The following MUSK variants were observed in gnomAD, a reference collection of about 807,000 sequenced individuals.
MUSK encodes the protein muscle associated receptor tyrosine kinase.
Under a neutral mutation model 88.7 loss-of-function variants are expected in MUSK, and 55 were observed. The observed-to-expected ratio is 0.62, with a 90% CI of 0.50 to 0.78. The LOEUF is 0.78. Ranked by LOEUF, MUSK falls within the 30% of genes least tolerant of loss-of-function variation. The pLI, the probability that MUSK is intolerant of heterozygous loss-of-function variation, is 0.00. For synonymous variants in MUSK, 387 were observed against 391.9 expected (o/e 0.99, Z 0.15); for missense variants, 1,015 against 1,074.3 (o/e 0.94, Z 0.77).
chr9:110,747,451 A>G (rs75883504), intron 6 of MUSK, among the ~76,000 whole-genome samples, 190 bp from the exon 7 acceptor site: 1 of 152,210 alleles, frequency 6.6e-6, no homozygotes, highest in Admixed American at 6.5e-5. Context: ...GGAAAATGCT[A>G]CTTCTTGAGG....
chr9:110,764,807 A>G (rs1438978780), intron 8 of MUSK, among the ~76,000 whole-genome samples: 1 of 152,182 alleles, frequency 6.6e-6, no homozygotes, highest in African/African-American at 2.4e-5. Flanking sequence ...CCCAGCACAT[A>G]AAGGGTTTGT....
chr9:110,748,895 C>T (rs1009529713), intron 7 of MUSK, among the ~76,000 whole-genome samples: 1 of 152,128 alleles, frequency 6.6e-6, no homozygotes, highest in Non-Finnish European at 1.5e-5. Context: ...TCTCCTTTCT[C>T]CCCCCAGTGA....
At chr9:110,693,706 A>T (rs928404030) in intron 3 of MUSK, among the ~76,000 whole-genome samples, 4 of 152,320 alleles carry the variant, frequency 2.6e-5, no homozygotes, top group East Asian at 3.9e-4. Flanking sequence ...TGACCAAGAC[A>T]TCAAGTCACT....
At chr9:110,706,155 A>T (rs1039254348) in intron 5 of MUSK, 2 of 517,322 alleles carry the variant, frequency 3.9e-6, no homozygotes, top group Non-Finnish European at 7.9e-6. Context: ...AAATATGAGA[A>T]TGAATATACA....
At chr9:110,677,212 G>A (rs567651616) in intron 1 of MUSK, among the ~76,000 whole-genome samples, 16 of 152,214 alleles carry the variant, frequency 1.1e-4, no homozygotes, top group African/African-American at 3.4e-4. Context: ...CCAGCACCAT[G>A]CAGCCCCTTT....
intron 11 of MUSK, among the ~76,000 whole-genome samples, chr9:110,781,381 A>G (rs1309202027): frequency 6.6e-6 from 1 of 152,144 alleles, no homozygotes; most frequent in Non-Finnish European, 1.5e-5. Context: ...GGTTCACGCC[A>G]TCCTCTTGCC....
At chr9:110,761,657 T>C (rs528480642) in intron 7 of MUSK, among the ~76,000 whole-genome samples, 3 of 135,324 alleles carry the variant, frequency 2.2e-5, no homozygotes, top group African/African-American at 8.2e-5. Context: ...CACTGCAGGC[T>C]CCGCCCCCCG....
At chr9:110,705,021 G>C (rs1375752659) in intron 5 of MUSK, among the ~76,000 whole-genome samples, 1 of 151,440 alleles carries the variant, frequency 6.6e-6, no homozygotes, top group African/African-American at 2.4e-5. Flanking sequence ...ATTATATGGG[G>C]GGTAACTTCT....
chr9:110,757,152 A>T (rs2077336004), intron 7 of MUSK, among the ~76,000 whole-genome samples: 2 of 152,134 alleles, frequency 1.3e-5, no homozygotes, highest in Admixed American at 6.6e-5. Flanking sequence ...CTAATGTTGA[A>T]AATTCAGAAT....
chr9:110,709,040 T>G (rs543686669), intron 5 of MUSK, among the ~76,000 whole-genome samples: 1 of 152,282 alleles, frequency 6.6e-6, no homozygotes, highest in South Asian at 2.1e-4. Context: ...ATGCATTAGT[T>G]CATCCAACAA....
At chr9:110,787,220 G>A (rs933579596) in intron 13 of MUSK, among the ~76,000 whole-genome samples, 2 of 151,998 alleles carry the variant, frequency 1.3e-5, no homozygotes, top group Admixed American at 6.6e-5. Flanking sequence ...AAATTAGCCA[G>A]GTGTGGTGGC....
At chr9:110,687,480 G>A (rs538963906) in intron 3 of MUSK, among the ~76,000 whole-genome samples, 1 of 151,878 alleles carries the variant, frequency 6.6e-6, no homozygotes, top group South Asian at 2.1e-4. Context: ...GACTACAGGT[G>A]CGTGCCACCA....
chr9:110,693,228 G>A (rs1024237875), intron 3 of MUSK, among the ~76,000 whole-genome samples: 1 of 152,072 alleles, frequency 6.6e-6, no homozygotes, highest in African/African-American at 2.4e-5. Context: ...TGGCCCAATT[G>A]TTCTTGATTT....
rs1181948109 is a variant in MUSK, at chr9:110,681,200, ATATAT to A, written c.80-1469_80-1465del. On this transcript the variant is annotated intron_variant, in intron 1 of 14. Coordinates refer to ENST00000374448, the MANE Select transcript of MUSK (RefSeq NM_005592.4). ...TATATATTATAACAATCCTTATAAT[ATATAT>A]TATAATGATTATTCTGTTGAAAAGC... is the stretch of plus-strand genomic sequence containing the variant. 1.2e-4 allele frequency among the ~76,000 whole-genome samples: 14 copies of A among 120,172 alleles called. No individual in the cohort carries two copies. The South Asian group carries it at 2.9e-3, about 25-fold the overall frequency. The allele number at this position is 120,172 out of a possible 152,430, so 78.8% of individuals were successfully genotyped here.
intron 7 of MUSK, among the ~76,000 whole-genome samples, chr9:110,750,711 G>C (rs899179723): frequency 2.6e-5 from 4 of 152,138 alleles, no homozygotes; most frequent in Non-Finnish European, 4.4e-5. Flanking sequence ...CAGTTCTGCT[G>C]TCTGCCCAAC....
rs534475113 is a variant in MUSK, at chr9:110,804,414, A to G, written c.*3426A>G. Among the ~76,000 whole-genome samples the G allele has an allele frequency of 2.0e-5, 3 of 152,240 alleles. No individual in the cohort carries two copies. Among genetic ancestry groups the G allele is most frequent in the South Asian group, 2.1e-4 (1 of 4,828 alleles). ...TAGCCCTAAACATTTGCTTTCATAG[A>G]TAATTTTCTGTTTTTTAGAAATCTT... On this transcript the variant is annotated 3_prime_UTR_variant, in exon 15 of 15. Transcript: ENST00000374448.
In MUSK at chr9:110,787,723, T is replaced by C. The variant is rs1162307472; in HGVS notation, c.1812T>C (p.Thr604=). Residue 604 remains threonine, a synonymous_variant, in exon 14 of 15, where the codon ACT becomes ACC. Coordinates refer to ENST00000374448, the MANE Select transcript of MUSK (RefSeq NM_005592.4). ...APGLLPYEPF[T]MVAVKMLKEE... The stretch of plus-strand genomic sequence containing the variant: ...GCTTACTTCCCTATGAACCTTTCAC[T>C]ATGGTGGCAGTAAAGATGCTCAAAG... 10 of 1,613,850 alleles carry C rather than the reference T, an allele frequency of 6.2e-6. 1 individual carries two copies. In the Admixed American group the frequency reaches 1.7e-4, roughly 27 times the overall value.
intron 7 of MUSK, among the ~76,000 whole-genome samples, chr9:110,755,951 C>CATATATATATACATATATATATATAT (rs1564268679): frequency 2.0e-5 from 2 of 101,782 alleles, no homozygotes; most frequent in South Asian, 3.3e-4. Context: ...TATATATATA[C>CATATATATATACATATATATATATAT]ACATATATAT....
In MUSK at chr9:110,804,712, T is replaced by A. The variant is rs1241457617; in HGVS notation, c.*3724T>A. Among the ~76,000 whole-genome samples, 1 of 151,848 alleles carries A rather than the reference T, an allele frequency of 6.6e-6. No individual in the cohort carries two copies. Among genetic ancestry groups the A allele is most frequent in the Non-Finnish European group, 1.5e-5 (1 of 67,834 alleles). The stretch of plus-strand genomic sequence containing the variant: ...TACTTATTTTCTTATAAAAGTAATA[T>A]ATTATGTTTGAAAAGAAAAATAATA... On this transcript the variant is annotated 3_prime_UTR_variant, in exon 15 of 15. Coordinates refer to ENST00000374448, the MANE Select transcript of MUSK (RefSeq NM_005592.4).
Sources: allele counts gnomAD v4.1 joint callset (sites outside exome capture counted in the v4.1 genomes callset), GRCh38; gene constraint gnomAD v4.1.1; transcripts MANE v1.5; gene names NCBI Gene and HGNC (gene_info 2026-07-23, HGNC 2026-07-21).